Variants in HMCN1 observed in about 807,000 individuals in gnomAD.
The protein encoded by HMCN1 is hemicentin 1, also known as hemicentin-1.
Under a neutral mutation model 625.9 loss-of-function variants are expected in HMCN1, and 321 were observed. That is an observed-to-expected ratio of 0.51 (90% CI 0.47 to 0.56). The LOEUF (loss-of-function observed/expected upper bound fraction) is 0.56, where lower values mean the gene tolerates loss of function less well. HMCN1 is among the 20% of genes least tolerant of loss of function. The pLI is 0.00. For missense variants in HMCN1, 6,588 were observed against 6,887.3 expected, an observed-to-expected ratio of 0.96 and a Z score of 1.54; for synonymous variants, 2,425 against 2,417.6, an observed-to-expected ratio of 1.00 and a Z score of -0.09.
intron 97 of HMCN1, among the ~76,000 whole-genome samples, chr1:186,162,308 T>A (rs2102608861): frequency 6.6e-6 from 1 of 152,008 alleles, no homozygotes; most frequent in African/African-American, 2.4e-5. Context: ...TTATTCTAGT[T>A]ATACATTCAT....
intron 86 of HMCN1, among the ~76,000 whole-genome samples, chr1:186,136,456 C>T (rs1649607572): frequency 6.6e-6 from 1 of 151,994 alleles, no homozygotes; most frequent in African/African-American, 2.4e-5. Flanking sequence ...AGGCTAATCT[C>T]AGGAATTTTA....
At chr1:186,153,452 C>T (rs999417237) in intron 96 of HMCN1, among the ~76,000 whole-genome samples, 14 of 152,168 alleles carry the variant, frequency 9.2e-5, no homozygotes, top group African/African-American at 3.4e-4. Flanking sequence ...TTCAGATCCT[C>T]ATTCCGCCAC....
intron 6 of HMCN1, 149 bp downstream of exon 6, chr1:185,911,929 G>T: frequency 1.5e-6 from 1 of 676,714 alleles, no homozygotes. Context: ...GTTTGTAGGT[G>T]TCTTGATCAC....
intron 1 of HMCN1, among the ~76,000 whole-genome samples, chr1:185,843,079 C>T (rs1418539618): frequency 6.6e-6 from 1 of 152,074 alleles, no homozygotes; most frequent in African/African-American, 2.4e-5. Context: ...TAGCTCTATA[C>T]TTATATTTGA....
At chr1:186,128,969 A>AT (rs1233296801) in intron 83 of HMCN1, among the ~76,000 whole-genome samples, 1 of 150,828 alleles carries the variant, frequency 6.6e-6, no homozygotes, top group African/African-American at 2.4e-5. Context: ...GTTTTTTTCT[A>AT]TTATAAAGAG....
In HMCN1 at chr1:186,188,137, G is replaced by C. The variant is rs1653471513; in HGVS notation, c.16541+128G>C. 4 of 1,102,556 alleles carry C rather than the reference G, an allele frequency of 3.6e-6. No homozygotes were observed. In the East Asian group the frequency reaches 9.5e-5, roughly 26 times the overall value. 68.3% of individuals were successfully genotyped at this position (1,102,556 alleles called of 1,614,324 possible). A position where few individuals can be genotyped will look rare whatever the true frequency, so the allele number is the denominator to read the frequency against. On this transcript the variant is annotated intron_variant, in intron 106 of 106. Coordinates refer to ENST00000271588, the MANE Select transcript of HMCN1 (RefSeq NM_031935.3). ...GTCACTAACTCCAGGAAGATGTGGG[G>C]TTACAGTAAGTATTCTCTTCAATGA...
At chr1:185,876,402 A>AT (rs1402565560) in intron 4 of HMCN1, among the ~76,000 whole-genome samples, 2 of 151,862 alleles carry the variant, frequency 1.3e-5, no homozygotes, top group Non-Finnish European at 2.9e-5. Context: ...GGGTATAACA[A>AT]TTTTTTTCCT....
In HMCN1 at chr1:185,735,148, T is replaced by TA. The variant is rs139597135; in HGVS notation, c.268+108dup. ...TTGTCAGGAAGTTTCAAAACCATTT[T>TA]AAAAAAATGTGCAGCTGAAAATAGT... On this transcript the variant is annotated intron_variant, in intron 1 of 106. Coordinates refer to ENST00000271588, the MANE Select transcript of HMCN1 (RefSeq NM_031935.3). The TA allele has an allele frequency of 8.3e-3, 10,814 of 1,310,678 alleles. 326 individuals carry two copies. The African/African-American group carries it at 0.088, about 11-fold the overall frequency. The allele number at this position is 1,310,678 out of a possible 1,614,324, so 81.2% of individuals were successfully genotyped here. A position where few individuals can be genotyped will look rare whatever the true frequency, so the allele number is the denominator to read the frequency against.
intron 6 of HMCN1, among the ~76,000 whole-genome samples, chr1:185,921,157 A>G (rs145278646): frequency 1.3e-5 from 2 of 152,318 alleles, no homozygotes; most frequent in Admixed American, 1.3e-4. Context: ...CTACACTTAC[A>G]CATATAATCT....
intron 10 of HMCN1, among the ~76,000 whole-genome samples, chr1:185,931,490 C>G (rs1234126621): frequency 1.3e-5 from 2 of 152,094 alleles, no homozygotes; most frequent in Admixed American, 6.6e-5. Context: ...GTGTCGTATG[C>G]CATTATTTCA....
chr1:185,935,183 A>G (rs1335844140), intron 11 of HMCN1, among the ~76,000 whole-genome samples: 1 of 151,952 alleles, frequency 6.6e-6, no homozygotes, highest in Non-Finnish European at 1.5e-5. Flanking sequence ...CCTTAGAATG[A>G]GATTGTAAAA....
At position 186,166,277 on chromosome 1, in the gene HMCN1, T is replaced by C. The variant is rs1651873753; in HGVS notation, c.15413T>C (p.Ile5138Thr). The C allele has an allele frequency of 2.5e-6, 4 of 1,614,050 alleles. No individual in the cohort carries two copies. The highest frequency in any genetic ancestry group is 3.4e-6 in the Non-Finnish European group (4 of 1,180,010). ...TGCTCCTGCCCTAAAGGCCTCACCA[T>C]AGCTGCAGATGGAAGAACTTGTCAA... ...YYCSCPKGLT[I>T]AADGRTCQDI... Residue 5138 changes from isoleucine (I) to threonine (T), a missense_variant, in exon 99 of 107, where the codon ATA becomes ACA. Around this residue, in one of 3 missense-constraint regions of HMCN1, gnomAD observed 1,954 missense variants for 2,013.1 expected, o/e 0.97. Coordinates refer to ENST00000271588, the MANE Select transcript of HMCN1 (RefSeq NM_031935.3).
At chr1:186,099,677 G>A (rs776410667) in intron 68 of HMCN1, among the ~76,000 whole-genome samples, 3 of 152,166 alleles carry the variant, frequency 2.0e-5, no homozygotes, top group Admixed American at 1.3e-4. Context: ...TTTCAGATTC[G>A]ATCTCCTCAA....
chr1:185,958,798 C>A (rs762541692), intron 11 of HMCN1, among the ~76,000 whole-genome samples: 10 of 152,130 alleles, frequency 6.6e-5, no homozygotes, highest in Non-Finnish European at 1.2e-4. Context: ...CATTTTGAGC[C>A]ATAGTTTATT....
intron 68 of HMCN1, among the ~76,000 whole-genome samples, chr1:186,103,069 G>T (rs1416324362): frequency 1.3e-5 from 2 of 151,896 alleles, no homozygotes; most frequent in East Asian, 3.9e-4. Context: ...CAGTATTCAC[G>T]CATTGTTTTT....
intron 57 of HMCN1, among the ~76,000 whole-genome samples, chr1:186,085,278 G>T (rs116223123): frequency 1.5e-3 from 227 of 152,272 alleles, no homozygotes; most frequent in African/African-American, 5.2e-3. Context: ...TTAAAGAACA[G>T]AAATTTATTT....
chr1:186,048,835 T>A lies in HMCN1; in HGVS notation c.6573T>A (p.Ile2191=). 1.9e-6 allele frequency: 3 copies of A among 1,597,342 alleles called. No individual in the cohort carries two copies. The highest frequency in any genetic ancestry group is 2.6e-6 in the Non-Finnish European group (3 of 1,166,056). ...GKTEKNYNVN[I]WVPPNIGGSD... ...CTGAAAAAAACTACAATGTCAACAT[T>A]TGGGGTAAGTGTAATCAGCTCTTGA... Residue 2191 remains isoleucine (I), a synonymous_variant, in exon 42 of 107, where the codon ATT becomes ATA. Transcript: ENST00000271588.
chr1:185,807,239 A>G (rs1202770106), intron 1 of HMCN1, among the ~76,000 whole-genome samples: 1 of 152,182 alleles, frequency 6.6e-6, no homozygotes. Context: ...TGAAAAATAA[A>G]GAGTTACATT....
rs1667038377 is a variant in HMCN1, at chr1:185,922,238, G to A, written c.901-141G>A. ...ATTTAAAATATAGAATCCTAGTTAT[G>A]TTGAGAACATCAGATCAGAGCCTCA... is the stretch of plus-strand genomic sequence containing the variant. On this transcript the variant is annotated intron_variant, in intron 6 of 106. Transcript: ENST00000271588. 11 of 904,538 alleles carry A rather than the reference G, an allele frequency of 1.2e-5. No homozygotes were observed. The South Asian group carries it at 1.5e-4, about 12-fold the overall frequency. The allele number at this position is 904,538 out of a possible 1,614,324, so 56.0% of individuals were successfully genotyped here.
Sources: gnomAD v4.1 joint callset for allele counts (sites outside exome capture counted in the v4.1 genomes callset) on GRCh38, gnomAD v4.1.1 for gene constraint, gnomAD v4.1.1 regional missense constraint, MANE v1.5 for transcripts, NCBI Gene and HGNC (gene_info 2026-07-23, HGNC 2026-07-21) for gene names.